The following AFF2 variants were observed in gnomAD, a reference collection of about 807,000 sequenced individuals.
AFF2 encodes the protein ALF transcription elongation factor 2, also known as AF4/FMR2 family member 2.
Under a neutral mutation model 76.9 loss-of-function variants are expected in AFF2, and 14 were observed. That is an observed-to-expected ratio of 0.18 (90% CI 0.12 to 0.28). AFF2 has a LOEUF of 0.28. Ranked by LOEUF, AFF2 falls within the 10% of genes least tolerant of loss-of-function variation. AFF2 has a pLI of 1.00. For missense variants in AFF2, 868 were observed against 1,001.1 expected (o/e 0.87, Z 1.79); for synonymous variants, 398 against 366.7 (o/e 1.09, Z -0.98).
intron 7 of AFF2, among the ~76,000 whole-genome samples, chrX:148,863,790 G>A (rs186630366): frequency 4.5e-5 from 5 of 111,160 alleles, no homozygotes; most frequent in Admixed American, 2.9e-4. Context: ...GGGTAGGGTG[G>A]GAACAATGCT....
intron 3 of AFF2, among the ~76,000 whole-genome samples, chrX:148,773,990 C>T (rs956875091): frequency 9.0e-6 from 1 of 111,213 alleles, no homozygotes; most frequent in South Asian, 3.8e-4. Flanking sequence ...TTGGAGAACA[C>T]CACCATTTCC....
chrX:148,820,874 T>C (rs112628377), intron 4 of AFF2, among the ~76,000 whole-genome samples: 2,183 of 111,781 alleles, frequency 0.02, 20 homozygotes, highest in Middle Eastern at 0.033. Flanking sequence ...ACCAGGATAG[T>C]GGGTAGTTTC....
At chrX:148,987,327 C>A (rs782128178) in intron 19 of AFF2, 40 bp from the exon 20 acceptor site, 2 of 1,148,564 alleles carry the variant, frequency 1.7e-6, no homozygotes, top group Admixed American at 4.5e-5. Context: ...GTCACTCTTT[C>A]CTACCAGCCT....
At chrX:148,612,662 C>A (rs1207030763) in intron 1 of AFF2, among the ~76,000 whole-genome samples, 1 of 111,867 alleles carries the variant, frequency 8.9e-6, no homozygotes, top group African/African-American at 3.2e-5. Flanking sequence ...CTTGTGGCAG[C>A]CCAGTAACTG....
At chrX:148,826,473 T>C (rs1557272958) in intron 4 of AFF2, among the ~76,000 whole-genome samples, 1 of 111,499 alleles carries the variant, frequency 9.0e-6, no homozygotes, top group African/African-American at 3.3e-5. Context: ...CAGATATGAA[T>C]CAATAGCTAC....
intron 1 of AFF2, among the ~76,000 whole-genome samples, chrX:148,628,764 C>T (rs1213350494): frequency 3.6e-5 from 4 of 111,881 alleles, no homozygotes; most frequent in Non-Finnish European, 7.5e-5. Flanking sequence ...GACTTTGACA[C>T]CTTCTCCAGA....
chrX:148,553,640 C>T (rs1238356969), intron 1 of AFF2, among the ~76,000 whole-genome samples: 1 of 111,595 alleles, frequency 9.0e-6, no homozygotes, highest in African/African-American at 3.3e-5. Flanking sequence ...AATCCTGAAT[C>T]CCTGTGGTCA....
At position 148,500,630 on chromosome X, in the gene AFF2, CAG is replaced by C; in HGVS notation, c.-467_-466del. 1 of 87,850 alleles carries C rather than the reference CAG, an allele frequency of 1.1e-5. No individual in the cohort carries two copies. The highest frequency in any genetic ancestry group is 4.2e-5 in the African/African-American group (1 of 23,948). The allele number at this position is 87,850 out of a possible 1,213,427, so 7.2% of individuals were successfully genotyped here. On this transcript the variant is annotated 5_prime_UTR_variant, in exon 1 of 21. Coordinates refer to ENST00000370460, the MANE Select transcript of AFF2 (RefSeq NM_002025.4). ...GCCGCGGCCGCCGCCGCCGCCTGTG[CAG>C]CCGCTGCCGCCGCCGCCGCCGCCGC...
At position 148,978,363 on chromosome X, in the gene AFF2, T is replaced by C; in HGVS notation, c.3478T>C (p.Tyr1160His). 8.4e-7 allele frequency: 1 copy of C among 1,194,990 alleles called. No individual in the cohort carries two copies. Among genetic ancestry groups the C allele is most frequent in the Non-Finnish European group, 1.1e-6 (1 of 880,248 alleles). Residue 1160 changes from tyrosine to histidine, a missense_variant and splice_region_variant, in exon 18 of 21, where the codon TAC (tyrosine) becomes CAC (histidine). By Grantham distance (83) the Tyr-to-His change is moderately conservative. Transcript: ENST00000370460. ...AGAAGCCTTTCCTCATCACCACAGCTACCGATGTTTATCACTCCTCTATTT... is the reference window on the plus strand; with the variant it reads ...AGAAGCCTTTCCTCATCACCACAGCCACCGATGTTTATCACTCCTCTATTT... Reference protein sequence around the residue: ...DGDKKLAVLCYRCLSLLYLRM... With the variant: ...DGDKKLAVLCHRCLSLLYLRM...
intron 3 of AFF2, among the ~76,000 whole-genome samples, chrX:148,803,857 C>T (rs192581238): frequency 1.4e-3 from 155 of 110,904 alleles, no homozygotes; most frequent in African/African-American, 4.9e-3. Context: ...CCCACTCTCC[C>T]TTATCTCTGT....
intron 7 of AFF2, among the ~76,000 whole-genome samples, chrX:148,859,227 A>G (rs1489574415): frequency 7.4e-5 from 8 of 107,687 alleles, no homozygotes; most frequent in African/African-American, 2.4e-4. Context: ...TAAATATATT[A>G]AAGTAGGAAG....
rs782003638 is a variant in AFF2 at position 148,972,891 on chromosome X, G to C, written c.3268-580G>C. Among the ~76,000 whole-genome samples the C allele has an allele frequency of 3.8e-4, 14 of 37,004 alleles. No individual in the cohort carries two copies. In the East Asian group the frequency reaches 8.5e-3, roughly 23 times the overall value. The allele number at this position is 37,004 out of a possible 115,157, so 32.1% of individuals were successfully genotyped here. ...TGGTAATGCCTAGGTTTTCTTCTAG[G>C]GTTTTTATGGTTTTAGGTCTAACGT... is the stretch of plus-strand genomic sequence containing the variant. On this transcript the variant is annotated intron_variant, in intron 15 of 20. Transcript: ENST00000370460.
intron 1 of AFF2, among the ~76,000 whole-genome samples, chrX:148,502,148 CTAAGGAATTAGAT>C (rs1438480944): frequency 8.9e-6 from 1 of 112,286 alleles, no homozygotes; most frequent in African/African-American, 3.2e-5. Context: ...CCCCCGCAGT[CTAAGGAATTAGAT>C]GGGGAGGGGG....
chrX:148,821,660 T>A (rs1392140561), intron 4 of AFF2, among the ~76,000 whole-genome samples: 1 of 111,533 alleles, frequency 9.0e-6, no homozygotes, highest in Non-Finnish European at 1.9e-5. Flanking sequence ...ACCACAGAGA[T>A]CACAGATATT....
intron 3 of AFF2, among the ~76,000 whole-genome samples, chrX:148,737,483 T>C (rs1603291384): frequency 8.9e-6 from 1 of 112,083 alleles, no homozygotes; most frequent in Non-Finnish European, 1.9e-5. Context: ...GGAAACTTTG[T>C]TGAATTCTTT....
At chrX:148,888,908 A>G (rs1172797298) in intron 8 of AFF2, among the ~76,000 whole-genome samples, 1 of 111,855 alleles carries the variant, frequency 8.9e-6, no homozygotes, top group Non-Finnish European at 1.9e-5. Flanking sequence ...AGCCCAGACA[A>G]CACTGCTGGT....
intron 1 of AFF2, among the ~76,000 whole-genome samples, chrX:148,541,947 A>G (rs73618318): frequency 0.18 from 18,659 of 106,338 alleles, 1,340 homozygotes; most frequent in African/African-American, 0.24. Flanking sequence ...GCCACTAGAT[A>G]GGCAGAAGTG....
chrX:148,614,467 A>C (rs1569552154), intron 1 of AFF2, among the ~76,000 whole-genome samples: 1 of 111,221 alleles, frequency 9.0e-6, no homozygotes, highest in Non-Finnish European at 1.9e-5. Flanking sequence ...GATGAGATGC[A>C]CTTTTACCTC....
At chrX:148,906,768 G>T (rs782815327) in intron 9 of AFF2, among the ~76,000 whole-genome samples, 1 of 111,391 alleles carries the variant, frequency 9.0e-6, no homozygotes, top group Non-Finnish European at 1.9e-5. Context: ...GCTTTTGCTC[G>T]CCGTCCACCA....
Sources: allele counts gnomAD v4.1 joint callset (sites outside exome capture counted in the v4.1 genomes callset), GRCh38; gene constraint gnomAD v4.1.1; transcripts MANE v1.5; gene names NCBI Gene and HGNC (gene_info 2026-07-23, HGNC 2026-07-21).